BORCS5: variants seen among roughly 807,000 people sequenced by gnomAD.
BORCS5 encodes the protein BLOC-1-related complex subunit 5.
In BORCS5, 17 loss-of-function variants were observed where a neutral mutation model predicts 22.1. That is an observed-to-expected ratio of 0.77 (90% CI 0.53 to 1.15). The LOEUF is 1.15. Among genes scored for constraint, BORCS5 ranks in the 50% most tolerant of loss-of-function variants. The pLI is 0.00. For missense variants in BORCS5, 247 were observed against 253.2 expected (o/e 0.98, Z 0.17); for synonymous variants, 117 against 99.8 (o/e 1.17, Z -1.03).
rs1033087891 is a variant in BORCS5 at position 12,465,831 on chromosome 12, G to A, written c.*55G>A. On this transcript the variant is annotated 3_prime_UTR_variant, in exon 4 of 4. Coordinates refer to ENST00000314565, the MANE Select transcript of BORCS5 (RefSeq NM_058169.6). Reference sequence around the variant, plus strand: ...CCCCAGACACCGACACCCTGAGGACGTGTGGAGCTAAGGTCATATCATCTG... The same window carrying A: ...CCCCAGACACCGACACCCTGAGGACATGTGGAGCTAAGGTCATATCATCTG... 89 of 1,473,774 alleles carry A rather than the reference G, an allele frequency of 6.0e-5. No individual in the cohort carries two copies. The highest frequency in any genetic ancestry group is 4.3e-4 in the Middle Eastern group (2 of 4,668). 91.3% of individuals were successfully genotyped at this position (1,473,774 alleles called of 1,614,324 possible).
chr12:12,421,015 T>G (rs1009028301), intron 2 of BORCS5, among the ~76,000 whole-genome samples: 2 of 152,346 alleles, frequency 1.3e-5, no homozygotes, highest in Middle Eastern at 3.4e-3. Context: ...TTTGACTTCC[T>G]CATTTCCTAA....
intron 3 of BORCS5, 88 bp from the exon 4 acceptor site, chr12:12,465,458 G>A (rs1943182837): frequency 8.7e-7 from 1 of 1,150,508 alleles, no homozygotes; most frequent in Non-Finnish European, 1.3e-6. Context: ...GGATCTGCGG[G>A]ACTGTGTCCC....
At chr12:12,412,556 C>T (rs1941762950) in intron 2 of BORCS5, among the ~76,000 whole-genome samples, 1 of 152,196 alleles carries the variant, frequency 6.6e-6, no homozygotes, top group Non-Finnish European at 1.5e-5. Context: ...GAGATCATAT[C>T]ATCCGTGAAC....
intron 2 of BORCS5, among the ~76,000 whole-genome samples, chr12:12,412,342 G>A (rs752441458): frequency 6.6e-6 from 1 of 151,870 alleles, no homozygotes; most frequent in Non-Finnish European, 1.5e-5. Flanking sequence ...CATCTCCTTG[G>A]TTAAGTTTAT....
rs1307219882 is a variant in BORCS5, at chr12:12,469,768, A to T, written c.*3992A>T. Reference sequence around the variant, plus strand: ...TAGTGCTCAGCAGAAATTATTCAAAATGTTGATACTCAAGATTGAAGGATG... The same window carrying T: ...TAGTGCTCAGCAGAAATTATTCAAATTGTTGATACTCAAGATTGAAGGATG... On this transcript the variant is annotated 3_prime_UTR_variant, in exon 4 of 4. Coordinates refer to ENST00000314565, the MANE Select transcript of BORCS5 (RefSeq NM_058169.6). The T allele has an allele frequency of 2.6e-5, 4 of 152,366 alleles. No individual in the cohort carries two copies. The highest frequency in any genetic ancestry group is 2.6e-4 in the Admixed American group (4 of 15,304). 9.4% of individuals were successfully genotyped at this position (152,366 alleles called of 1,614,324 possible). A position where few individuals can be genotyped will look rare whatever the true frequency, so the allele number is the denominator to read the frequency against.
intron 2 of BORCS5, among the ~76,000 whole-genome samples, chr12:12,413,382 A>T (rs1482796170): frequency 7.0e-6 from 1 of 142,338 alleles, no homozygotes; most frequent in Non-Finnish European, 1.5e-5. Context: ...TGTTTCAGAG[A>T]GCACAGGGTT....
At chr12:12,361,726 C>A (rs1343647700) in intron 2 of BORCS5, among the ~76,000 whole-genome samples, 3 of 152,168 alleles carry the variant, frequency 2.0e-5, no homozygotes, top group African/African-American at 7.2e-5. Flanking sequence ...AATGGCCCTT[C>A]CCTGTTATAT....
At position 12,431,403 on chromosome 12, in the gene BORCS5, C is replaced by CTTTTTTTTTT. The variant is rs386375632; in HGVS notation, c.203-4216_203-4207dup. On this transcript the variant is annotated intron_variant, in intron 2 of 3. Coordinates refer to ENST00000314565, the MANE Select transcript of BORCS5 (RefSeq NM_058169.6). Reference sequence around the variant, plus strand: ...TTTGTTCATCTTTCTTTTGCTAATTCTTTTTTTTTTTTTTTTTTGAGACGG... The same window carrying CTTTTTTTTTT: ...TTTGTTCATCTTTCTTTTGCTAATTCTTTTTTTTTTTTTTTTTTTTTTTTTTTTGAGACGG... 1.7e-4 allele frequency among the ~76,000 whole-genome samples: 20 copies of CTTTTTTTTTT among 121,100 alleles called. 1 individual carries two copies. Among genetic ancestry groups the CTTTTTTTTTT allele is most frequent in the Non-Finnish European group, 2.0e-4 (12 of 60,664 alleles). The allele number at this position is 121,100 out of a possible 152,430, so 79.4% of individuals were successfully genotyped here.
At chr12:12,387,528 G>T (rs998106087) in intron 2 of BORCS5, among the ~76,000 whole-genome samples, 17 of 151,364 alleles carry the variant, frequency 1.1e-4, no homozygotes, top group Non-Finnish European at 2.1e-4. Flanking sequence ...TCAGCCCTCT[G>T]ATCCGAAACC....
intron 2 of BORCS5, among the ~76,000 whole-genome samples, chr12:12,420,730 G>C (rs370270685): frequency 9.2e-5 from 14 of 152,058 alleles, no homozygotes; most frequent in African/African-American, 3.4e-4. Context: ...TTATTTCATC[G>C]AGCAGTGGTT....
rs764589011 is a variant in BORCS5 at position 12,374,474 on chromosome 12, G to GA, written c.202+13139dup. Among the ~76,000 whole-genome samples, 973 of 130,920 alleles carry GA rather than the reference G, an allele frequency of 7.4e-3. 2 individuals carry two copies. The highest frequency in any genetic ancestry group is 0.016 in the Middle Eastern group (4 of 246). 85.9% of individuals were successfully genotyped at this position (130,920 alleles called of 152,430 possible). A position where few individuals can be genotyped will look rare whatever the true frequency, so the allele number is the denominator to read the frequency against. ...ATGGTGAGACCCTGTCTGTACTACA[G>GA]AAAAAAAAAAAAAAGTTTATCTAGG... On this transcript the variant is annotated intron_variant, in intron 2 of 3. Coordinates refer to ENST00000314565, the MANE Select transcript of BORCS5 (RefSeq NM_058169.6).
intron 3 of BORCS5, among the ~76,000 whole-genome samples, chr12:12,436,555 G>C (rs961442257): frequency 1.3e-5 from 2 of 152,224 alleles, no homozygotes; most frequent in African/African-American, 2.4e-5. Context: ...TCAAGGAAAT[G>C]TTAGGAGCTG....
chr12:12,404,324 CAG>C (rs377739466), intron 2 of BORCS5, among the ~76,000 whole-genome samples: 295 of 152,280 alleles, frequency 1.9e-3, no homozygotes, highest in African/African-American at 6.9e-3. Context: ...TTATAAAGAA[CAG>C]AAATTTATTT....
chr12:12,380,150 A>G (rs1863745547), intron 2 of BORCS5, among the ~76,000 whole-genome samples: 1 of 151,382 alleles, frequency 6.6e-6, no homozygotes, highest in South Asian at 2.1e-4. Context: ...GCCCAAAACA[A>G]TTACAATAGT....
chr12:12,414,436 AC>A (rs1309070907), intron 2 of BORCS5, among the ~76,000 whole-genome samples: 1 of 68,394 alleles, frequency 1.5e-5, no homozygotes, highest in African/African-American at 5.6e-5. Flanking sequence ...CGGGGGGCTG[AC>A]CCCCCCACCT....
At chr12:12,446,165 C>G (rs189837350) in intron 3 of BORCS5, among the ~76,000 whole-genome samples, 1 of 152,110 alleles carries the variant, frequency 6.6e-6, no homozygotes, top group East Asian at 1.9e-4. Context: ...GACAAGAATC[C>G]CTCCTTCAGA....
At chr12:12,379,320 A>C (rs906979343) in intron 2 of BORCS5, among the ~76,000 whole-genome samples, 25 of 150,632 alleles carry the variant, frequency 1.7e-4, no homozygotes, top group African/African-American at 5.6e-4. Context: ...TCACCATGTT[A>C]GCCGGGCTGG....
At chr12:12,391,588 A>G (rs1941185490) in intron 2 of BORCS5, among the ~76,000 whole-genome samples, 1 of 150,872 alleles carries the variant, frequency 6.6e-6, no homozygotes, top group Non-Finnish European at 1.5e-5. Context: ...GGGTTTCACC[A>G]TGTTGGCCAG....
intron 2 of BORCS5, among the ~76,000 whole-genome samples, chr12:12,431,625 C>A (rs1385158169): frequency 3.3e-5 from 5 of 152,028 alleles, no homozygotes; most frequent in African/African-American, 1.2e-4. Context: ...TGGTCTTGAT[C>A]TCTTGACCTC....
Sources: gnomAD v4.1 joint callset for allele counts (sites outside exome capture counted in the v4.1 genomes callset) on GRCh38, gnomAD v4.1.1 for gene constraint, MANE v1.5 for transcripts, NCBI Gene and HGNC (gene_info 2026-07-23, HGNC 2026-07-21) for gene names.